Variants in MYLK observed in about 807,000 individuals in gnomAD.
MYLK encodes the protein myosin light chain kinase, smooth muscle.
In MYLK, 106 loss-of-function variants were observed where a neutral mutation model predicts 203.4. The observed-to-expected ratio is 0.52, with a 90% CI of 0.45 to 0.61. MYLK has a LOEUF of 0.61. Ranked by LOEUF, MYLK falls within the 20% of genes least tolerant of loss-of-function variation. The pLI, the probability that MYLK is intolerant of heterozygous loss-of-function variation, is 0.00. For synonymous variants in MYLK, 867 were observed against 959.5 expected (o/e 0.90, Z 1.78); for missense variants, 2,072 against 2,442.3 (o/e 0.85, Z 3.20).
At chr3:123,709,966 T>G in intron 13 of MYLK, 73 bp from the exon 14 acceptor site, 1 of 1,585,176 alleles carries the variant, frequency 6.3e-7, no homozygotes, top group South Asian at 1.1e-5. Context: ...AAATGACCAC[T>G]TGGTACATGA....
intron 3 of MYLK, among the ~76,000 whole-genome samples, chr3:123,830,163 TC>T (rs1378160069): frequency 6.6e-6 from 1 of 152,194 alleles, no homozygotes; most frequent in Admixed American, 6.5e-5. Context: ...ATTTTGTGCA[TC>T]CTTTGATCTT....
intron 24 of MYLK, 46 bp from the exon 25 acceptor site, chr3:123,649,240 A>T: frequency 6.2e-7 from 1 of 1,611,110 alleles, no homozygotes; most frequent in Non-Finnish European, 8.5e-7. Flanking sequence ...GGTGATTAGT[A>T]CTGAAGGCCC....
At chr3:123,789,676 A>AAAAAAAAG (rs1560219704) in intron 4 of MYLK, among the ~76,000 whole-genome samples, 4 of 145,592 alleles carry the variant, frequency 2.7e-5, no homozygotes, top group Non-Finnish European at 3.0e-5. Context: ...AAAAAAAAAA[A>AAAAAAAAG]AAGAAGGAAC....
In MYLK at chr3:123,629,428, C is replaced by G. The variant is rs747677351; in HGVS notation, c.5114+46G>C. 1 of 1,612,574 alleles carries G rather than the reference C, an allele frequency of 6.2e-7. No homozygotes were observed. Among genetic ancestry groups the G allele is most frequent in the South Asian group, 1.1e-5 (1 of 90,952 alleles). ...AGGAATCCCCCTTTGCTTCCCAACA[C>G]AGGGCAGGGAGTAGGGAAGCAAAGA... On this transcript the variant is annotated intron_variant, in intron 30 of 33. Coordinates refer to ENST00000360304, the MANE Select transcript of MYLK (RefSeq NM_053025.4). This position sits in a 1 kb window ranked among gnomAD's most constrained non-coding sequence, Gnocchi z 4.4.
At chr3:123,760,859 G>C (rs2063512009) in intron 4 of MYLK, among the ~76,000 whole-genome samples, 1 of 152,050 alleles carries the variant, frequency 6.6e-6, no homozygotes, top group Admixed American at 6.5e-5. Flanking sequence ...TTGTTTTTAT[G>C]TATTATTAAA....
At chr3:123,675,056 G>A (rs189300929) in intron 20 of MYLK, among the ~76,000 whole-genome samples, 7 of 152,332 alleles carry the variant, frequency 4.6e-5, no homozygotes, top group Admixed American at 4.6e-4. Flanking sequence ...GTTAACCCGG[G>A]AATTCCCAAG....
chr3:123,841,961 A>G (rs944595600), intron 2 of MYLK, among the ~76,000 whole-genome samples: 17 of 152,156 alleles, frequency 1.1e-4, no homozygotes, highest in Admixed American at 2.6e-4. Context: ...ATCTCCCATC[A>G]TGGCCATCAG....
At chr3:123,829,513 A>T in intron 3 of MYLK, among the ~76,000 whole-genome samples, 1 of 152,194 alleles carries the variant, frequency 6.6e-6, no homozygotes, top group Non-Finnish European at 1.5e-5. Context: ...AAGAAGAAGA[A>T]GTTCTACTGT....
At chr3:123,686,538 T>C (rs1033511159) in intron 19 of MYLK, among the ~76,000 whole-genome samples, 11 of 152,102 alleles carry the variant, frequency 7.2e-5, no homozygotes, top group African/African-American at 2.7e-4. Context: ...GGCTCATCCC[T>C]CCTTGCTGGC....
At chr3:123,641,632 A>T (rs1230349961) in intron 27 of MYLK, among the ~76,000 whole-genome samples, 1 of 151,654 alleles carries the variant, frequency 6.6e-6, no homozygotes, top group Non-Finnish European at 1.5e-5. Flanking sequence ...TCAGCCTCCC[A>T]AAGTGCTGGG....
intron 23 of MYLK, among the ~76,000 whole-genome samples, chr3:123,657,967 T>C (rs1230400812): frequency 1.3e-5 from 2 of 152,194 alleles, no homozygotes; most frequent in African/African-American, 2.4e-5. Context: ...AGATTCAAGT[T>C]TGAACACAGA....
chr3:123,653,667 C>T (rs2108242577), intron 24 of MYLK, among the ~76,000 whole-genome samples: 1 of 152,302 alleles, frequency 6.6e-6, no homozygotes, highest in South Asian at 2.1e-4. Flanking sequence ...CAGGCAGTCA[C>T]AGCTCTTCCT....
At chr3:123,679,168 G>C (rs1034968237) in intron 20 of MYLK, among the ~76,000 whole-genome samples, 1 of 152,072 alleles carries the variant, frequency 6.6e-6, no homozygotes, top group Non-Finnish European at 1.5e-5. Flanking sequence ...TTAGTTGGGC[G>C]TGGTGGTGCG....
chr3:123,656,310 C>T (rs2059386585), intron 24 of MYLK, among the ~76,000 whole-genome samples: 1 of 152,166 alleles, frequency 6.6e-6, no homozygotes, highest in African/African-American at 2.4e-5. Context: ...CCTGCTTTTT[C>T]CCTAGTTCTC....
At chr3:123,858,060 C>T (rs568751405) in intron 2 of MYLK, among the ~76,000 whole-genome samples, 1 of 152,310 alleles carries the variant, frequency 6.6e-6, no homozygotes, top group South Asian at 2.1e-4. Flanking sequence ...GGATTCTGGG[C>T]CATCTTCAGT....
chr3:123,860,217 C>T (rs1259767302), intron 2 of MYLK, among the ~76,000 whole-genome samples: 4 of 152,200 alleles, frequency 2.6e-5, no homozygotes, highest in Admixed American at 6.5e-5. Context: ...GCCCGGCACA[C>T]GGCTCCAGAC....
In MYLK at chr3:123,666,302, G is replaced by T. The variant is rs141481369; in HGVS notation, c.3748C>A (p.Arg1250Ser). 1.2e-6 allele frequency: 2 copies of T among 1,614,210 alleles called. No individual in the cohort carries two copies. Among genetic ancestry groups the T allele is most frequent in the East Asian group, 2.2e-5 (1 of 44,890 alleles). Residue 1250 changes from arginine (R) to serine (S), a missense_variant, in exon 22 of 34, where the codon CGC becomes AGC. Arg to Ser is a moderately radical substitution (Grantham distance 110, BLOSUM62 -1). This residue lies in a region of MYLK where 865 missense variants were observed against 1,016.0 expected (regional missense o/e 0.85). Transcript: ENST00000360304. ...AACAGCTCCACTGACTCTCCTGCGC[G>T]TACCTTCTGGTCCTCAGGGAACTGG... ...IIQFPEDQKV[R>S]AGESVELFGK...
intron 4 of MYLK, among the ~76,000 whole-genome samples, chr3:123,766,822 C>G (rs2063719457): frequency 6.6e-6 from 1 of 152,194 alleles, no homozygotes; most frequent in Admixed American, 6.5e-5. Flanking sequence ...GGGCAATGGC[C>G]CAGGGGTTGC....
At chr3:123,788,389 C>T (rs1171308780) in intron 4 of MYLK, among the ~76,000 whole-genome samples, 28 of 143,148 alleles carry the variant, frequency 2.0e-4, no homozygotes, top group Non-Finnish European at 4.2e-4. Context: ...TTTGTTATTT[C>T]TTTTTTTTTT....
Sources: allele counts gnomAD v4.1 joint callset (sites outside exome capture counted in the v4.1 genomes callset), GRCh38; gene constraint gnomAD v4.1.1; regional missense constraint gnomAD v4.1.1; non-coding constraint Gnocchi (gnomAD v3.1); transcripts MANE v1.5; gene names NCBI Gene and HGNC (gene_info 2026-07-23, HGNC 2026-07-21).